Variants in KCTD16 observed in about 807,000 individuals in gnomAD.
KCTD16 encodes BTB/POZ domain-containing protein KCTD16.
A neutral mutation model predicts 33.2 loss-of-function variants in KCTD16; 13 were observed. That is an observed-to-expected ratio of 0.39 (90% confidence interval 0.25 to 0.62). The LOEUF is 0.62. Ranked by LOEUF, KCTD16 falls within the 20% of genes least tolerant of loss-of-function variation. The pLI is 0.50. For synonymous variants in KCTD16, 197 were observed against 195.3 expected (o/e 1.01, Z -0.07); for missense variants, 441 against 525.1 (o/e 0.84, Z 1.57).
intron 3 of KCTD16, among the ~76,000 whole-genome samples, chr5:144,426,831 G>A (rs1337611168): frequency 1.3e-5 from 2 of 152,026 alleles, no homozygotes; most frequent in African/African-American, 4.8e-5. Context: ...CCTTGATAAT[G>A]CCATTAATCC....
chr5:144,366,649 A>C (rs1268194637), intron 3 of KCTD16, among the ~76,000 whole-genome samples: 1 of 152,128 alleles, frequency 6.6e-6, no homozygotes, highest in African/African-American at 2.4e-5. Context: ...TTTTAAGCAT[A>C]ATCCCTGGGG....
intron 3 of KCTD16, among the ~76,000 whole-genome samples, chr5:144,277,893 T>C (rs1755481470): frequency 6.6e-6 from 1 of 152,216 alleles, no homozygotes; most frequent in African/African-American, 2.4e-5. Flanking sequence ...TTTTGTTAAG[T>C]TTTGAGATTT....
chr5:144,284,039 T>C (rs1234112591), intron 3 of KCTD16, among the ~76,000 whole-genome samples: 1 of 152,208 alleles, frequency 6.6e-6, no homozygotes, highest in Non-Finnish European at 1.5e-5. Flanking sequence ...CTTTCTGTTC[T>C]TTTAGGTGGA....
chr5:144,436,256 A>T (rs1753573703), intron 3 of KCTD16, among the ~76,000 whole-genome samples: 1 of 152,156 alleles, frequency 6.6e-6, no homozygotes, highest in Non-Finnish European at 1.5e-5. Context: ...GATGGGATTG[A>T]CTTCTAACTA....
intron 3 of KCTD16, among the ~76,000 whole-genome samples, chr5:144,471,686 T>G (rs1754480095): frequency 6.6e-6 from 1 of 152,214 alleles, no homozygotes; most frequent in African/African-American, 2.4e-5. Context: ...TTACTGATAT[T>G]TTCAGTCACC....
At chr5:144,425,453 G>T (rs1194012754) in intron 3 of KCTD16, among the ~76,000 whole-genome samples, 1 of 151,634 alleles carries the variant, frequency 6.6e-6, no homozygotes, top group South Asian at 2.1e-4. Context: ...TCTCTGAAGG[G>T]CCTCAGTCTC....
chr5:144,270,409 T>G (rs1178609348), intron 3 of KCTD16, among the ~76,000 whole-genome samples: 1 of 151,844 alleles, frequency 6.6e-6, no homozygotes, highest in Non-Finnish European at 1.5e-5. Flanking sequence ...ACTCAAAAAT[T>G]TGTGGAAACA....
intron 1 of KCTD16, among the ~76,000 whole-genome samples, chr5:144,173,107 G>A (rs559917393): frequency 2.0e-5 from 3 of 152,274 alleles, no homozygotes; most frequent in East Asian, 1.9e-4. Flanking sequence ...AATACCATTC[G>A]ACCCAGCAAT....
At chr5:144,409,474 C>A (rs1752883773) in intron 3 of KCTD16, among the ~76,000 whole-genome samples, 1 of 152,010 alleles carries the variant, frequency 6.6e-6, no homozygotes, top group Admixed American at 6.6e-5. Context: ...GAGAAATAGG[C>A]ACAATATTTG....
intron 3 of KCTD16, among the ~76,000 whole-genome samples, chr5:144,234,279 G>C (rs1754188428): frequency 6.6e-6 from 1 of 152,020 alleles, no homozygotes; most frequent in African/African-American, 2.4e-5. Flanking sequence ...CTCCAAGCGT[G>C]GTGCTCCCCA....
At chr5:144,383,564 A>G (rs180785030) in intron 3 of KCTD16, among the ~76,000 whole-genome samples, 15 of 151,312 alleles carry the variant, frequency 9.9e-5, no homozygotes, top group African/African-American at 3.1e-4. Context: ...AAAAAGAAAC[A>G]TTCTAAAGTA....
chr5:144,227,480 T>C (rs1341202687), intron 3 of KCTD16, among the ~76,000 whole-genome samples: 8 of 152,180 alleles, frequency 5.3e-5, no homozygotes, highest in Admixed American at 3.9e-4. Flanking sequence ...GATTTATAGG[T>C]CTTTGTAAGG....
In KCTD16 at chr5:144,181,743, G is replaced by A. The variant is rs531657691; in HGVS notation, c.-327+7271G>A. 7.2e-5 allele frequency among the ~76,000 whole-genome samples: 11 copies of A among 152,278 alleles called. No individual in the cohort carries two copies. In the East Asian group the frequency reaches 2.1e-3, roughly 29 times the overall value. On this transcript the variant is annotated intron_variant, in intron 2 of 3. Transcript: ENST00000512467. ...GTGGTTTGGATGTGTCCATCAAAAAGTTGTTGTGTTGGAAACTGAATGGTC... is the reference window on the plus strand; with the variant it reads ...GTGGTTTGGATGTGTCCATCAAAAAATTGTTGTGTTGGAAACTGAATGGTC...
chr5:144,252,755 A>G (rs1321348895), intron 3 of KCTD16, among the ~76,000 whole-genome samples: 1 of 151,990 alleles, frequency 6.6e-6, no homozygotes, highest in Non-Finnish European at 1.5e-5. Context: ...GATTATGTAC[A>G]TCAGAGAAGC....
intron 3 of KCTD16, among the ~76,000 whole-genome samples, chr5:144,426,196 T>G (rs1753325040): frequency 6.6e-6 from 1 of 152,198 alleles, no homozygotes; most frequent in Admixed American, 6.5e-5. Context: ...TATCAAGCCC[T>G]AGGGCATTGG....
chr5:144,355,769 G>A (rs1352277980), intron 3 of KCTD16, among the ~76,000 whole-genome samples: 1 of 152,032 alleles, frequency 6.6e-6, no homozygotes, highest in Admixed American at 6.6e-5. Context: ...GGCATTCTCA[G>A]GGATGTGTTA....
chr5:144,461,814 C>T (rs557723402), intron 3 of KCTD16, among the ~76,000 whole-genome samples: 2 of 152,320 alleles, frequency 1.3e-5, no homozygotes, highest in South Asian at 2.1e-4. Context: ...CCCCCGGCTA[C>T]GGAACACACT....
chr5:144,316,502 T>G (rs1254772433), intron 3 of KCTD16, among the ~76,000 whole-genome samples: 1 of 147,424 alleles, frequency 6.8e-6, no homozygotes, highest in African/African-American at 2.5e-5. Flanking sequence ...CATTTTTGTT[T>G]TTTGTCTTTT....
chr5:144,241,566 A>G (rs547104290), intron 3 of KCTD16, among the ~76,000 whole-genome samples: 2 of 152,322 alleles, frequency 1.3e-5, no homozygotes, highest in Admixed American at 1.3e-4. Context: ...TAAATATGAA[A>G]GGATTGTAAG....
Sources: gnomAD v4.1 joint callset for allele counts (sites outside exome capture counted in the v4.1 genomes callset) on GRCh38, gnomAD v4.1.1 for gene constraint, MANE v1.5 for transcripts, NCBI Gene and HGNC (gene_info 2026-07-23, HGNC 2026-07-21) for gene names.